CDKL5: variants seen among roughly 807,000 people sequenced by gnomAD.
CDKL5 encodes the protein cyclin-dependent kinase-like 5.
Under a neutral mutation model 61.7 loss-of-function variants are expected in CDKL5, and 8 were observed. That is an observed-to-expected ratio of 0.13 (90% CI 0.08 to 0.23). CDKL5 has a LOEUF of 0.23. Ranked by LOEUF, CDKL5 falls within the 10% of genes least tolerant of loss-of-function variation. CDKL5 has a pLI of 1.00. For synonymous variants in CDKL5, 275 were observed against 272.3 expected (o/e 1.01, Z -0.10); for missense variants, 440 against 734.5 (o/e 0.60, Z 4.63).
chrX:18,441,351 G>A (rs937528879), intron 1 of CDKL5, among the ~76,000 whole-genome samples: 4 of 110,693 alleles, frequency 3.6e-5, no homozygotes, highest in Admixed American at 1.9e-4. Flanking sequence ...GGAGGTCGAG[G>A]CTGCAGTGAG....
intron 3 of CDKL5, among the ~76,000 whole-genome samples, chrX:18,550,950 A>G (rs1003773842): frequency 1.3e-4 from 14 of 107,085 alleles, no homozygotes; most frequent in African/African-American, 4.8e-4. Flanking sequence ...GAGGGTATCT[A>G]CATATAATGT....
At chrX:18,451,260 C>T (rs1335496520) in intron 1 of CDKL5, among the ~76,000 whole-genome samples, 1 of 110,492 alleles carries the variant, frequency 9.1e-6, no homozygotes, top group African/African-American at 3.3e-5. Context: ...GGCATGATCT[C>T]GGCTCACTGC....
At chrX:18,549,308 T>C (rs762349516) in intron 3 of CDKL5, among the ~76,000 whole-genome samples, 106 of 112,068 alleles carry the variant, frequency 9.5e-4, no homozygotes, top group African/African-American at 2.9e-3. Context: ...AAACAATTGG[T>C]CATAAGAAAG....
chrX:18,640,579 A>C (rs1341297351), downstream of CDKL5: 1 of 110,763 alleles, frequency 9.0e-6, no homozygotes, highest in Non-Finnish European at 1.9e-5. Flanking sequence ...TGAGCCCCCA[A>C]AGCATCAAGA....
intron 15 of CDKL5, among the ~76,000 whole-genome samples, chrX:18,614,510 T>C (rs941006570): frequency 8.9e-6 from 1 of 111,868 alleles, no homozygotes. Flanking sequence ...ACCTCCCTCA[T>C]AGGGTTCATG....
At chrX:18,524,042 C>T (rs952049273) in intron 3 of CDKL5, among the ~76,000 whole-genome samples, 1 of 111,840 alleles carries the variant, frequency 8.9e-6, no homozygotes, top group Non-Finnish European at 1.9e-5. Flanking sequence ...GGTAGTTCTA[C>T]TTATCCATTT....
At chrX:18,476,187 G>C (rs1274194783) in intron 1 of CDKL5, among the ~76,000 whole-genome samples, 1 of 111,173 alleles carries the variant, frequency 9.0e-6, no homozygotes, top group Non-Finnish European at 1.9e-5. Flanking sequence ...ATCCCTTCCT[G>C]TTGGATTGAC....
intron 1 of CDKL5, among the ~76,000 whole-genome samples, chrX:18,473,963 G>A (rs978633761): frequency 3.7e-5 from 4 of 107,984 alleles, no homozygotes; most frequent in Non-Finnish European, 5.8e-5. Context: ...CTGCCTCCTG[G>A]GTTCAAGTGA....
intron 2 of CDKL5, among the ~76,000 whole-genome samples, chrX:18,507,858 G>A (rs1922642151): frequency 9.0e-6 from 1 of 111,472 alleles, no homozygotes; most frequent in African/African-American, 3.3e-5. Context: ...AAATTCTGAG[G>A]CATACAATTT....
At chrX:18,448,757 C>A (rs1931938818) in intron 1 of CDKL5, among the ~76,000 whole-genome samples, 1 of 112,451 alleles carries the variant, frequency 8.9e-6, no homozygotes, top group African/African-American at 3.2e-5. Flanking sequence ...TCAGTTGTTT[C>A]TTTCCTCAGT....
downstream of CDKL5, chrX:18,644,323 G>T: frequency 1.5e-6 from 1 of 683,684 alleles, no homozygotes; most frequent in Non-Finnish European, 2.4e-6. Flanking sequence ...GATCCACTGT[G>T]CTGTGGAGTC....
At chrX:18,607,443 G>A (rs1421328050) in intron 12 of CDKL5, among the ~76,000 whole-genome samples, 2 of 111,887 alleles carry the variant, frequency 1.8e-5, no homozygotes, top group African/African-American at 6.5e-5. Flanking sequence ...AGAAGAAATC[G>A]GAAAAACAAA....
chrX:18,641,912 T>C (rs1927589775), downstream of CDKL5: 2 of 1,013,164 alleles, frequency 2.0e-6, no homozygotes, highest in African/African-American at 1.8e-5. Flanking sequence ...TTGCGAAATA[T>C]AGCCCTGTCC....
chrX:18,538,657 G>T (rs1418757476), intron 3 of CDKL5, among the ~76,000 whole-genome samples: 1 of 111,941 alleles, frequency 8.9e-6, no homozygotes, highest in East Asian at 2.8e-4. Context: ...TGGATGTCTA[G>T]TTGCTCCAGC....
Position 18,618,637 on chromosome X carries a change from G to T in CDKL5, c.2277-1230G>T, listed in dbSNP as rs970158939. ...GGGCCTAGGCCCAGTCTGTCATTGG[G>T]TTTAGAATGTTTTTCGCAACAATAC... On this transcript the variant is annotated intron_variant, in intron 15 of 17. Transcript: ENST00000623535. Among the ~76,000 whole-genome samples the T allele has an allele frequency of 3.6e-5, 4 of 112,443 alleles. No homozygotes were observed. The South Asian group carries it at 1.5e-3, about 41-fold the overall frequency.
chrX:18,491,451 C>T (rs776730307), intron 1 of CDKL5, among the ~76,000 whole-genome samples: 22 of 111,594 alleles, frequency 2.0e-4, no homozygotes, highest in African/African-American at 6.5e-4. Flanking sequence ...GAAAATCTCT[C>T]ATGTAGTTTG....
intron 1 of CDKL5, among the ~76,000 whole-genome samples, chrX:18,481,741 G>A: frequency 9.1e-6 from 1 of 109,724 alleles, no homozygotes; most frequent in Non-Finnish European, 1.9e-5. Context: ...CTTTCATTTT[G>A]GTTATTTACT....
Position 18,508,135 on chromosome X carries a change from T to C in CDKL5, c.64+975T>C, listed in dbSNP as rs558568755. The stretch of plus-strand genomic sequence containing the variant: ...ATTCTGTTAACAGAAGATAAGTGAT[T>C]ATAATTATGGTTTCTTAGCATTTAT... On this transcript the variant is annotated intron_variant, in intron 2 of 17. Transcript: ENST00000623535. 2.5e-4 allele frequency among the ~76,000 whole-genome samples: 28 copies of C among 112,607 alleles called. No homozygotes were observed. In the South Asian group the frequency reaches 9.7e-3, roughly 39 times the overall value.
intron 1 of CDKL5, among the ~76,000 whole-genome samples, chrX:18,453,563 A>C (rs1454008299): frequency 8.9e-6 from 1 of 111,891 alleles, no homozygotes; most frequent in Non-Finnish European, 1.9e-5. Flanking sequence ...TTTATATATA[A>C]TAAAATGTAG....
Sources: gnomAD v4.1 joint callset for allele counts (sites outside exome capture counted in the v4.1 genomes callset) on GRCh38, gnomAD v4.1.1 for gene constraint, MANE v1.5 for transcripts, NCBI Gene and HGNC (gene_info 2026-07-23, HGNC 2026-07-21) for gene names.